Variants in PCDH11X observed in about 807,000 individuals in gnomAD.
PCDH11X encodes the protein protocadherin 11 X-linked.
PCDH11X carries 18 observed loss-of-function variants against 53.3 expected under a neutral mutation model. The ratio of observed to expected loss-of-function variants is 0.34; its 90% CI spans 0.23 to 0.50. The LOEUF (loss-of-function observed/expected upper bound fraction) is 0.50, where lower values mean the gene tolerates loss of function less well. Among genes scored for constraint, PCDH11X ranks in the 20% least tolerant of loss-of-function variants. The pLI, the probability that PCDH11X is intolerant of heterozygous loss-of-function variation, is 0.98. For synonymous variants in PCDH11X, 279 were observed against 393.3 expected (o/e 0.71, Z 3.44); for missense variants, 570 against 1,032.4 (o/e 0.55, Z 6.14).
chrX:92,053,549 C>T (rs1474926235), intron 6 of PCDH11X, among the ~76,000 whole-genome samples: 2 of 102,209 alleles, frequency 2.0e-5, no homozygotes, highest in African/African-American at 3.6e-5. Flanking sequence ...TAAAGAGCAG[C>T]GGAAGAACCG....
chrX:92,610,407 G>A (rs1302271116), intron 10 of PCDH11X, among the ~76,000 whole-genome samples: 1 of 109,773 alleles, frequency 9.1e-6, no homozygotes, highest in Non-Finnish European at 1.9e-5. Context: ...TTTGAGAAGT[G>A]TCTGTTTATA....
At chrX:92,530,402 T>C (rs758223522) in intron 10 of PCDH11X, among the ~76,000 whole-genome samples, 1 of 110,850 alleles carries the variant, frequency 9.0e-6, no homozygotes, top group Non-Finnish European at 1.9e-5. Context: ...TTACCGTTTA[T>C]AAAAACCTTC....
chrX:92,138,230 C>A (rs1456825023), intron 6 of PCDH11X, among the ~76,000 whole-genome samples: 1 of 110,497 alleles, frequency 9.1e-6, no homozygotes, highest in Non-Finnish European at 1.9e-5. Flanking sequence ...TGGATATGTA[C>A]CACATTTTCT....
intron 9 of PCDH11X, among the ~76,000 whole-genome samples, chrX:92,409,374 A>G (rs1013593452): frequency 1.3e-4 from 15 of 112,320 alleles, no homozygotes; most frequent in African/African-American, 4.9e-4. Context: ...CATTCTGTTT[A>G]AACACCCATC....
intron 10 of PCDH11X, among the ~76,000 whole-genome samples, chrX:92,484,337 G>T: frequency 9.8e-6 from 1 of 102,148 alleles, no homozygotes; most frequent in African/African-American, 3.6e-5. Context: ...TAGATCGAAT[G>T]GTACATCTAC....
At chrX:91,851,580 C>T in intron 5 of PCDH11X, among the ~76,000 whole-genome samples, 1 of 111,352 alleles carries the variant, frequency 9.0e-6, no homozygotes, top group Non-Finnish European at 1.9e-5. Context: ...GGGGTGTCCT[C>T]AGTTCTTTGT....
In PCDH11X at chrX:91,905,170, C is replaced by T. The variant is rs1369122981; in HGVS notation, c.3033+25897C>T. Among the ~76,000 whole-genome samples the T allele has an allele frequency of 8.8e-4, 94 of 106,512 alleles. 1 individual carries two copies. In the Admixed American group the frequency reaches 9.5e-3, roughly 11 times the overall value. 92.5% of individuals were successfully genotyped at this position (106,512 alleles called of 115,157 possible). A position where few individuals can be genotyped will look rare whatever the true frequency, so the allele number is the denominator to read the frequency against. On this transcript the variant is annotated intron_variant, in intron 6 of 10. Transcript: ENST00000682573. ...TTTGAGATGGAGTCTCACTCTGTCA[C>T]CCAGGCTGGAGTGCACTAGTGCAAT...
In PCDH11X at chrX:92,060,834, C is replaced by T. The variant is rs187525290; in HGVS notation, c.3034-140541C>T. Among the ~76,000 whole-genome samples the T allele has an allele frequency of 2.7e-5, 3 of 111,425 alleles. No homozygotes were observed. In the East Asian group the frequency reaches 8.5e-4, roughly 31 times the overall value. On this transcript the variant is annotated intron_variant, in intron 6 of 10. Coordinates refer to ENST00000682573, the MANE Select transcript of PCDH11X (RefSeq NM_032968.5). ...TGGTAGAACAATTTCTATTCGTTTG[C>T]GTATATACCCAATCATGAGATTGCT...
intron 6 of PCDH11X, among the ~76,000 whole-genome samples, chrX:92,067,794 G>T (rs1050842775): frequency 1.8e-5 from 2 of 111,306 alleles, no homozygotes; most frequent in African/African-American, 6.5e-5. Flanking sequence ...CAGGTTTCAG[G>T]CTTTTCTTTC....
chrX:92,136,102 A>G (rs1345098426), intron 6 of PCDH11X, among the ~76,000 whole-genome samples: 5 of 111,211 alleles, frequency 4.5e-5, no homozygotes, highest in Admixed American at 1.9e-4. Context: ...CTGGAATACT[A>G]ATTAGTCCCA....
chrX:92,282,648 T>C (rs1442468640), intron 8 of PCDH11X, among the ~76,000 whole-genome samples: 1 of 111,717 alleles, frequency 9.0e-6, no homozygotes, highest in African/African-American at 3.2e-5. Context: ...GCTGGATATT[T>C]ATGAGCTAGA....
At chrX:91,932,554 G>A (rs1247979027) in intron 6 of PCDH11X, among the ~76,000 whole-genome samples, 1 of 100,181 alleles carries the variant, frequency 1.0e-5, no homozygotes, top group Non-Finnish European at 2.0e-5. Context: ...GGCAAACAGA[G>A]TCAGTAGTAG....
chrX:92,263,026 A>AGC, intron 7 of PCDH11X, 88 bp from the exon 8 acceptor site: 1 of 901,673 alleles, frequency 1.1e-6, no homozygotes, highest in Non-Finnish European at 1.5e-6. Flanking sequence ...AAAAAAAAAA[A>AGC]TGTATTTGCA....
intron 6 of PCDH11X, among the ~76,000 whole-genome samples, chrX:91,969,821 A>AAAAAGC (rs1773834570): frequency 1.8e-5 from 2 of 108,948 alleles, no homozygotes; most frequent in Admixed American, 2.0e-4. Context: ...GGAAAAAAGA[A>AAAAAGC]AAAAGCAAAA....
chrX:91,970,310 G>GC (rs2061938860), intron 6 of PCDH11X, among the ~76,000 whole-genome samples: 1 of 111,158 alleles, frequency 9.0e-6, no homozygotes. Context: ...CCCTTATTTG[G>GC]CCCCACCCAC....
chrX:91,989,436 G>A (rs976820065), intron 6 of PCDH11X, among the ~76,000 whole-genome samples: 1 of 110,541 alleles, frequency 9.0e-6, no homozygotes, highest in Non-Finnish European at 1.9e-5. Flanking sequence ...GGTGGTGGAC[G>A]CCTGTAGTCC....
intron 6 of PCDH11X, among the ~76,000 whole-genome samples, chrX:91,975,247 G>A (rs140962094): frequency 0.012 from 1,311 of 111,758 alleles, 7 homozygotes; most frequent in Middle Eastern, 0.032. Flanking sequence ...TATCTTAATA[G>A]ACCAAAATGT....
At chrX:92,152,280 A>G (rs1439165096) in intron 6 of PCDH11X, among the ~76,000 whole-genome samples, 1 of 95,731 alleles carries the variant, frequency 1.0e-5, no homozygotes, top group Non-Finnish European at 2.1e-5. Context: ...ATTTTATGCC[A>G]GTAACTGAAT....
intron 10 of PCDH11X, among the ~76,000 whole-genome samples, chrX:92,597,354 AAT>A (rs1296860279): frequency 1.4e-4 from 15 of 110,987 alleles, no homozygotes; most frequent in Middle Eastern, 4.3e-3. Context: ...ATAAAAATAC[AAT>A]AATCAGTAGC....
Sources: allele counts gnomAD v4.1 joint callset (sites outside exome capture counted in the v4.1 genomes callset), GRCh38; gene constraint gnomAD v4.1.1; transcripts MANE v1.5; gene names NCBI Gene and HGNC (gene_info 2026-07-23, HGNC 2026-07-21).